The following KCNN2 variants were observed in gnomAD, a reference collection of about 807,000 sequenced individuals.
The protein encoded by KCNN2 is small conductance calcium-activated potassium channel protein 2.
A neutral mutation model predicts 55.5 loss-of-function variants in KCNN2; 24 were observed. That is an observed-to-expected ratio of 0.43 (90% CI 0.31 to 0.61). The LOEUF (loss-of-function observed/expected upper bound fraction) is 0.61. KCNN2 is among the 20% of genes least tolerant of loss of function. The pLI is 0.08. For synonymous variants in KCNN2, 431 were observed against 336.1 expected, an observed-to-expected ratio of 1.28 and a Z score of -3.09; for missense variants, 754 against 853.6, an observed-to-expected ratio of 0.88 and a Z score of 1.45.
At chr5:114,457,408 G>C (rs1760979358) in intron 3 of KCNN2, among the ~76,000 whole-genome samples, 1 of 152,116 alleles carries the variant, frequency 6.6e-6, no homozygotes, top group South Asian at 2.1e-4. Context: ...AACATTTTTA[G>C]AAACTGGGAA....
intron 1 of KCNN2, among the ~76,000 whole-genome samples, chr5:114,187,443 A>G (rs770942347): frequency 2.6e-5 from 4 of 151,878 alleles, no homozygotes; most frequent in Non-Finnish European, 4.4e-5. Flanking sequence ...TTCCTGGCCT[A>G]ACCTTTTGGA....
At chr5:114,479,248 A>AAACAGGGG (rs1762113473) in intron 5 of KCNN2, among the ~76,000 whole-genome samples, 1 of 151,806 alleles carries the variant, frequency 6.6e-6, no homozygotes, top group Admixed American at 6.6e-5. Flanking sequence ...AAGAAAAACA[A>AAACAGGGG]AACAGGGGTG....
At chr5:114,221,544 G>C (rs1024228635) in exon 2 of KCNN2, among the ~76,000 whole-genome samples, 3 of 152,154 alleles carry the variant, frequency 2.0e-5, no homozygotes, top group African/African-American at 7.2e-5. Context: ...CTAAGGAATG[G>C]AGTGGGATAT....
chr5:114,149,026 C>A (rs1167735222), intron 1 of KCNN2, among the ~76,000 whole-genome samples: 4 of 152,120 alleles, frequency 2.6e-5, no homozygotes, highest in Non-Finnish European at 5.9e-5. Flanking sequence ...AACTCTATCC[C>A]AGTCTAACAG....
intron 1 of KCNN2, among the ~76,000 whole-genome samples, chr5:114,115,661 T>C (rs1254360091): frequency 6.6e-6 from 1 of 151,656 alleles, no homozygotes; most frequent in Non-Finnish European, 1.5e-5. Context: ...TCATTCTGGG[T>C]GATTTGGGAA....
chr5:114,260,801 C>A (rs1479159942), intron 2 of KCNN2, among the ~76,000 whole-genome samples: 2 of 152,118 alleles, frequency 1.3e-5, no homozygotes, highest in Non-Finnish European at 2.9e-5. Flanking sequence ...CCATTGGGTG[C>A]AGGTGGCTTT....
At chr5:114,219,155 T>A (rs1192046650) in intron 1 of KCNN2, among the ~76,000 whole-genome samples, 1 of 152,216 alleles carries the variant, frequency 6.6e-6, no homozygotes, top group Non-Finnish European at 1.5e-5. Flanking sequence ...CAGGGGTGCC[T>A]GTGACTCTTG....
chr5:114,147,854 G>A (rs114530465), intron 1 of KCNN2, among the ~76,000 whole-genome samples: 4,363 of 152,298 alleles, frequency 0.029, 83 homozygotes, highest in Non-Finnish European at 0.042. Flanking sequence ...GCATTCCTAA[G>A]TACAGAAAAG....
chr5:114,369,499 C>T (rs1580757195), intron 2 of KCNN2, among the ~76,000 whole-genome samples: 1 of 152,122 alleles, frequency 6.6e-6, no homozygotes, highest in East Asian at 1.9e-4. Context: ...TTTCATGTAC[C>T]TATGAGGTGG....
At chr5:114,382,897 T>C (rs1309568651) in intron 2 of KCNN2, among the ~76,000 whole-genome samples, 1 of 152,246 alleles carries the variant, frequency 6.6e-6, no homozygotes, top group African/African-American at 2.4e-5. Context: ...TGTTGGTGTT[T>C]AATATCACGC....
chr5:114,275,264 A>G (rs1755460686), intron 2 of KCNN2, among the ~76,000 whole-genome samples: 1 of 152,088 alleles, frequency 6.6e-6, no homozygotes, highest in Non-Finnish European at 1.5e-5. Context: ...TTTTACGTCG[A>G]TGTTCATCAG....
intron 1 of KCNN2, among the ~76,000 whole-genome samples, chr5:114,163,352 C>G (rs1037121357): frequency 6.6e-6 from 1 of 152,130 alleles, no homozygotes; most frequent in Non-Finnish European, 1.5e-5. Flanking sequence ...TGAGAAAGGG[C>G]ATCCTTGTGG....
intron 6 of KCNN2, among the ~76,000 whole-genome samples, chr5:114,489,674 G>C (rs1747754422): frequency 1.3e-5 from 2 of 152,114 alleles, no homozygotes; most frequent in Admixed American, 6.6e-5. Flanking sequence ...TGTTTGGCTA[G>C]ATCATTCTAA....
chr5:114,112,785 C>G (rs1751626456), intron 1 of KCNN2, among the ~76,000 whole-genome samples: 1 of 152,002 alleles, frequency 6.6e-6, no homozygotes, highest in Non-Finnish European at 1.5e-5. Flanking sequence ...AAAATAATTT[C>G]TGAAAAGATG....
intron 3 of KCNN2, among the ~76,000 whole-genome samples, chr5:114,419,647 C>G (rs1158106021): frequency 6.6e-6 from 1 of 152,160 alleles, no homozygotes; most frequent in East Asian, 1.9e-4. Flanking sequence ...GTCTTTCTGA[C>G]TAGTACTAGC....
At chr5:114,102,282 T>C in intron 1 of KCNN2, among the ~76,000 whole-genome samples, 1 of 149,832 alleles carries the variant, frequency 6.7e-6, no homozygotes, top group Non-Finnish European at 1.5e-5. Flanking sequence ...ATGGAGTTGT[T>C]TGTTTTTTTT....
intron 5 of KCNN2, among the ~76,000 whole-genome samples, chr5:114,479,225 A>G (rs1762110543): frequency 3.2e-5 from 2 of 62,008 alleles, no homozygotes; most frequent in South Asian, 1.1e-3. Flanking sequence ...AATGAAAACT[A>G]TAAAAAAAAA....
rs148706799 is a variant in KCNN2 at position 114,170,603 on chromosome 5, G to T, written c.-270-50877G>T. The stretch of plus-strand genomic sequence containing the variant: ...TGCACACAGTAAACACATTTTCCTA[G>T]GAGGATGACAGCAATATCCAACTTT... On this transcript the variant is annotated intron_variant, in intron 1 of 10. Coordinates refer to the KCNN2 transcript ENST00000512097. Among the ~76,000 whole-genome samples, 303 of 152,048 alleles carry T rather than the reference G, an allele frequency of 2.0e-3. 1 individual carries two copies. Among genetic ancestry groups the T allele is most frequent in the African/African-American group, 6.6e-3 (273 of 41,524 alleles).
chr5:114,320,688 A>G (rs1184173457), intron 2 of KCNN2, among the ~76,000 whole-genome samples: 1 of 151,736 alleles, frequency 6.6e-6, no homozygotes, highest in African/African-American at 2.4e-5. Flanking sequence ...TAGTGATCCC[A>G]CAAGCAGGTT....
Sources: allele counts gnomAD v4.1 joint callset (sites outside exome capture counted in the v4.1 genomes callset), GRCh38; gene constraint gnomAD v4.1.1; transcripts MANE v1.5; gene names NCBI Gene and HGNC (gene_info 2026-07-23, HGNC 2026-07-21).